ADGB: variants seen among roughly 807,000 people sequenced by gnomAD.
ADGB encodes the protein androglobin.
A neutral mutation model predicts 210.5 loss-of-function variants in ADGB; 172 were observed. The ratio of observed to expected loss-of-function variants is 0.82; its 90% confidence interval spans 0.72 to 0.93. The LOEUF (loss-of-function observed/expected upper bound fraction) is 0.93, where lower values mean the gene tolerates loss of function less well. ADGB is among the 40% of genes least tolerant of loss of function. The probability of loss-of-function intolerance (pLI) is 0.00; values close to 1 mark genes in which losing one functional copy is unlikely to be tolerated. For synonymous variants in ADGB, 658 were observed against 662.7 expected (o/e 0.99, Z 0.11); for missense variants, 2,025 against 1,964.8 (o/e 1.03, Z -0.58).
In ADGB at chr6:146,741,140, G is replaced by C. The variant is rs1183586615; in HGVS notation, c.3046G>C (p.Asp1016His). ...CAGAGAAACATTTTTGGTTCATCAA[G>C]ACATGATTTTGGTTCCCAAAGTATA... ...VFRETFLVHQ[D>H]MILVPKVYTT... The change falls in exon 25 of 36, where the codon GAC becomes CAC. Residue 1016 changes from aspartate (D) to histidine (H), a missense_variant. Asp to His is a moderately conservative substitution (Grantham distance 81, BLOSUM62 -1). Transcript: ENST00000397944. 1 of 1,530,304 alleles carries C rather than the reference G, an allele frequency of 6.5e-7. No individual in the cohort carries two copies. The highest frequency in any genetic ancestry group is 8.8e-7 in the Non-Finnish European group (1 of 1,138,050). 94.8% of individuals were successfully genotyped at this position (1,530,304 alleles called of 1,614,324 possible).
chr6:146,695,552 T>C (rs1413221812), intron 12 of ADGB, among the ~76,000 whole-genome samples: 2 of 151,946 alleles, frequency 1.3e-5, no homozygotes, highest in Non-Finnish European at 2.9e-5. Context: ...AATTATGTTC[T>C]TTCCTGTATG....
At chr6:146,763,456 T>C (rs1777526459) in intron 27 of ADGB, among the ~76,000 whole-genome samples, 1 of 152,208 alleles carries the variant, frequency 6.6e-6, no homozygotes, top group East Asian at 1.9e-4. Context: ...AAAATAAAAA[T>C]TCTTCACCAC....
chr6:146,642,791 G>A lies in ADGB; in HGVS notation c.238-1982G>A, dbSNP rs539101077. Among the ~76,000 whole-genome samples, 1,030 of 151,940 alleles carry A rather than the reference G, an allele frequency of 6.8e-3. 7 individuals carry two copies. Among genetic ancestry groups the A allele is most frequent in the African/African-American group, 0.023 (955 of 41,500 alleles). ...GAGGCTGGGAAGAAAGAGAGGAGCA[G>A]AAAAGATAACTATTGGGTTCTGGGC... is the stretch of plus-strand genomic sequence containing the variant. On this transcript the variant is annotated intron_variant, in intron 2 of 35. Coordinates refer to ENST00000397944, the MANE Select transcript of ADGB (RefSeq NM_024694.4).
At chr6:146,692,501 C>G (rs1776343998) in intron 11 of ADGB, among the ~76,000 whole-genome samples, 1 of 152,052 alleles carries the variant, frequency 6.6e-6, no homozygotes, top group African/African-American at 2.4e-5. Context: ...TAGTAAAAGA[C>G]TTTTATAGAA....
intron 1 of ADGB, among the ~76,000 whole-genome samples, chr6:146,628,924 G>A (rs1488129372): frequency 2.0e-5 from 3 of 151,936 alleles, no homozygotes; most frequent in Non-Finnish European, 4.4e-5. Flanking sequence ...GGAAATAAAT[G>A]TTACCAAATT....
intron 29 of ADGB, among the ~76,000 whole-genome samples, chr6:146,777,903 G>A (rs1181848160): frequency 1.3e-5 from 2 of 152,126 alleles, no homozygotes; most frequent in African/African-American, 4.8e-5. Flanking sequence ...TCTCTGAGAG[G>A]TGGGCCTCAA....
Position 146,628,693 on chromosome 6 carries a change from T to C in ADGB, c.75-6682T>C, listed in dbSNP as rs1171659530. ...CTTTTCTCCTAGTGATGCCCTTTCT[T>C]CCTTTTTTAACTTGGAAAATTTGTA... is the stretch of plus-strand genomic sequence containing the variant. On this transcript the variant is annotated intron_variant, in intron 1 of 35. Transcript: ENST00000397944. Among the ~76,000 whole-genome samples the C allele has an allele frequency of 2.6e-5, 4 of 152,128 alleles. No homozygotes were observed. In the East Asian group the frequency reaches 7.7e-4, roughly 29 times the overall value.
At chr6:146,648,907 T>C (rs1317776817) in intron 3 of ADGB, among the ~76,000 whole-genome samples, 3 of 151,854 alleles carry the variant, frequency 2.0e-5, no homozygotes, top group African/African-American at 4.8e-5. Context: ...TTATCAGATG[T>C]TAGCATTTTA....
Position 146,782,138 on chromosome 6 carries a change from T to C in ADGB, c.3981T>C (p.Ser1327=). The change falls in exon 30 of 36, where the codon TCT becomes TCC. Residue 1327 remains serine, a synonymous_variant. Transcript: ENST00000397944. ...CAACAAGGAAAGGCAAAGAAAAGTC[T>C]TCTGAGAAAGAAAAGACAGCCAAAG... ...SKTTRKGKEK[S]SEKEKTAKEK... 6.5e-7 allele frequency: 1 copy of C among 1,547,368 alleles called. No homozygotes were observed. Among genetic ancestry groups the C allele is most frequent in the Non-Finnish European group, 8.7e-7 (1 of 1,145,416 alleles).
At chr6:146,643,530 C>A (rs1471797308) in intron 2 of ADGB, among the ~76,000 whole-genome samples, 2 of 151,166 alleles carry the variant, frequency 1.3e-5, no homozygotes, top group East Asian at 3.9e-4. Flanking sequence ...AGAACTCTTA[C>A]ATAGTACTTG....
intron 14 of ADGB, among the ~76,000 whole-genome samples, chr6:146,716,344 C>T (rs1286747349): frequency 2.3e-5 from 3 of 128,526 alleles, no homozygotes; most frequent in Non-Finnish European, 4.4e-5. Context: ...GTAATCCCAG[C>T]ACTTTGGGAG....
chr6:146,812,884 G>C (rs372937993), intron 35 of ADGB, among the ~76,000 whole-genome samples: 124 of 152,304 alleles, frequency 8.1e-4, no homozygotes, highest in African/African-American at 2.8e-3. Context: ...AATGTGCAAT[G>C]CTTTGACACA....
At position 146,626,745 on chromosome 6, in the gene ADGB, G is replaced by T. The variant is rs113442127; in HGVS notation, c.75-8630G>T. Among the ~76,000 whole-genome samples, 959 of 150,664 alleles carry T rather than the reference G, an allele frequency of 6.4e-3. 7 individuals carry two copies. Among genetic ancestry groups the T allele is most frequent in the African/African-American group, 0.022 (904 of 41,108 alleles). On this transcript the variant is annotated intron_variant, in intron 1 of 35. Coordinates refer to ENST00000397944, the MANE Select transcript of ADGB (RefSeq NM_024694.4). ...ACTTCCTTGTATTGTAACTTGGCAT[G>T]GTTTTTTTCAGTCTTTCTCGAGTTT... is the stretch of plus-strand genomic sequence containing the variant.
chr6:146,625,163 C>T (rs558561494), intron 1 of ADGB, among the ~76,000 whole-genome samples: 11 of 152,008 alleles, frequency 7.2e-5, no homozygotes, highest in African/African-American at 2.2e-4. Flanking sequence ...TTAAGAAAAT[C>T]ATATTGTGAT....
chr6:146,750,965 T>A (rs1042400322), intron 26 of ADGB, among the ~76,000 whole-genome samples: 1 of 152,136 alleles, frequency 6.6e-6, no homozygotes, highest in African/African-American at 2.4e-5. Flanking sequence ...TCAAGTTTTA[T>A]ATTTGTTTAT....
In ADGB at chr6:146,777,817, C is replaced by T. The variant is rs146605750; in HGVS notation, c.3863-4203C>T. Among the ~76,000 whole-genome samples, 113 of 152,248 alleles carry T rather than the reference C, an allele frequency of 7.4e-4. 3 individuals are homozygous for T. In the South Asian group the frequency reaches 0.017, roughly 23 times the overall value. On this transcript the variant is annotated intron_variant, in intron 29 of 35. Transcript: ENST00000397944. The stretch of plus-strand genomic sequence containing the variant: ...GTTTCTCAAAGTACAACCTACAGGC[C>T]ACTTGTGTCAGAATCACGTGAGGTA...
chr6:146,677,692 C>T (rs1776103968), intron 9 of ADGB, among the ~76,000 whole-genome samples: 1 of 152,156 alleles, frequency 6.6e-6, no homozygotes. Context: ...TCCTGCTGAA[C>T]TTACAGTTAA....
At chr6:146,766,569 C>T (rs1297456709) in intron 28 of ADGB, among the ~76,000 whole-genome samples, 1 of 151,830 alleles carries the variant, frequency 6.6e-6, no homozygotes, top group Admixed American at 6.6e-5. Context: ...AATAGAAAAT[C>T]TGAATAAAAC....
At chr6:146,599,927 G>C (rs1206094568) in intron 1 of ADGB, among the ~76,000 whole-genome samples, 2 of 152,132 alleles carry the variant, frequency 1.3e-5, no homozygotes, top group Non-Finnish European at 2.9e-5. Flanking sequence ...CTGCCTGATG[G>C]GGAGGGCGAT....
Sources: allele counts gnomAD v4.1 joint callset (sites outside exome capture counted in the v4.1 genomes callset), GRCh38; gene constraint gnomAD v4.1.1; transcripts MANE v1.5; gene names NCBI Gene and HGNC (gene_info 2026-07-23, HGNC 2026-07-21).